Variants in PRKG1 observed in about 807,000 individuals in gnomAD.
PRKG1 encodes the protein protein kinase cGMP-dependent 1.
Under a neutral mutation model 88.1 loss-of-function variants are expected in PRKG1, and 35 were observed. The ratio of observed to expected loss-of-function variants is 0.40; its 90% CI spans 0.30 to 0.53. The LOEUF is 0.53. Among genes scored for constraint, PRKG1 ranks in the 20% least tolerant of loss-of-function variants. The pLI, the probability that PRKG1 is intolerant of heterozygous loss-of-function variation, is 0.59. For missense variants in PRKG1, 540 were observed against 839.8 expected, an observed-to-expected ratio of 0.64 and a Z score of 4.41; for synonymous variants, 303 against 292.5, an observed-to-expected ratio of 1.04 and a Z score of -0.37.
At chr10:51,644,979 G>T (rs1839881762) in intron 3 of PRKG1, among the ~76,000 whole-genome samples, 1 of 152,010 alleles carries the variant, frequency 6.6e-6, no homozygotes, top group African/African-American at 2.4e-5. Flanking sequence ...GTAGAGATGG[G>T]GTTTCATCAT....
intron 14 of PRKG1, among the ~76,000 whole-genome samples, chr10:52,284,303 A>T (rs1842064121): frequency 6.6e-6 from 1 of 152,124 alleles, no homozygotes; most frequent in African/African-American, 2.4e-5. Flanking sequence ...TGTATTTTCA[A>T]AACCAAACTT....
Position 51,743,248 on chromosome 10 carries a change from C to T in PRKG1, c.593-61337C>T, listed in dbSNP as rs986105051. Among the ~76,000 whole-genome samples, 9 of 152,200 alleles carry T rather than the reference C, an allele frequency of 5.9e-5. 1 individual carries two copies. In the South Asian group the frequency reaches 1.4e-3, roughly 25 times the overall value. ...CCAACAAAAGTCAGTCTTTGGCCTC[C>T]CACAGACAGATGTGCACAGAGTCCC... On this transcript the variant is annotated intron_variant, in intron 3 of 17. Coordinates refer to ENST00000373980, the MANE Select transcript of PRKG1 (RefSeq NM_006258.4).
intron 4 of PRKG1, among the ~76,000 whole-genome samples, chr10:51,805,551 A>C (rs1215488790): frequency 1.3e-5 from 2 of 152,042 alleles, no homozygotes; most frequent in African/African-American, 4.8e-5. Context: ...GTGTACTGCT[A>C]ATTAAGGTTT....
chr10:51,433,249 A>G (rs1292677853), intron 2 of PRKG1, among the ~76,000 whole-genome samples: 1 of 152,116 alleles, frequency 6.6e-6, no homozygotes, highest in Non-Finnish European at 1.5e-5. Context: ...AATGGATACT[A>G]TGATTGAGTA....
At chr10:51,665,102 A>G (rs1355055277) in intron 3 of PRKG1, among the ~76,000 whole-genome samples, 1 of 152,168 alleles carries the variant, frequency 6.6e-6, no homozygotes, top group Non-Finnish European at 1.5e-5. Flanking sequence ...TAACTGAAAA[A>G]AAGAATCTCA....
chr10:51,223,550 A>G (rs1412319564), intron 2 of PRKG1, among the ~76,000 whole-genome samples: 1 of 152,186 alleles, frequency 6.6e-6, no homozygotes, highest in African/African-American at 2.4e-5. Flanking sequence ...TCTACTATCC[A>G]TTAAAAAATT....
chr10:51,909,761 A>G (rs1415048338), intron 5 of PRKG1: 3 of 152,234 alleles, frequency 2.0e-5, no homozygotes. Flanking sequence ...GTTAAAATCC[A>G]AGAGAAGAGA....
At chr10:51,722,903 G>A (rs1205178244) in intron 3 of PRKG1, among the ~76,000 whole-genome samples, 1 of 152,064 alleles carries the variant, frequency 6.6e-6, no homozygotes, top group African/African-American at 2.4e-5. Flanking sequence ...AAATAAACAG[G>A]TAGAATTCTT....
At chr10:51,926,750 G>GTTTT (rs11324214) in intron 5 of PRKG1, among the ~76,000 whole-genome samples, 10 of 141,290 alleles carry the variant, frequency 7.1e-5, no homozygotes, top group South Asian at 2.3e-4. Flanking sequence ...GCCTAGCATA[G>GTTTT]TTTTTTTTTT....
At chr10:51,089,823 A>C (rs141748244) in intron 1 of PRKG1, among the ~76,000 whole-genome samples, 2,926 of 152,332 alleles carry the variant, frequency 0.019, 45 homozygotes, top group Middle Eastern at 0.031. Flanking sequence ...AAGGTAATAT[A>C]ACCTAAATCC....
chr10:51,652,964 G>A lies in PRKG1; in HGVS notation c.593-151621G>A, dbSNP rs539962082. On this transcript the variant is annotated intron_variant, in intron 3 of 17. Coordinates refer to ENST00000373980, the MANE Select transcript of PRKG1 (RefSeq NM_006258.4). ...TTCCATATATAAGTGAAATCATGTG[G>A]TATTTGTCTTCTGTGCCTAGCTTAT... Among the ~76,000 whole-genome samples the A allele has an allele frequency of 1.9e-3, 293 of 152,182 alleles. 2 individuals carry two copies. Among genetic ancestry groups the A allele is most frequent in the Non-Finnish European group, 2.9e-4 (20 of 68,012 alleles).
chr10:51,247,187 G>A (rs1839314241), intron 2 of PRKG1, among the ~76,000 whole-genome samples: 1 of 151,952 alleles, frequency 6.6e-6, no homozygotes, highest in East Asian at 1.9e-4. Flanking sequence ...TCTTCCTATA[G>A]GTCAACTTTG....
chr10:51,953,814 T>C (rs1401847690), intron 5 of PRKG1, among the ~76,000 whole-genome samples: 1 of 152,148 alleles, frequency 6.6e-6, no homozygotes, highest in Non-Finnish European at 1.5e-5. Flanking sequence ...AAATTCTGTA[T>C]CCTCTATATT....
intron 5 of PRKG1, among the ~76,000 whole-genome samples, chr10:52,045,863 G>A (rs1403904460): frequency 6.6e-6 from 1 of 151,986 alleles, no homozygotes; most frequent in Admixed American, 6.6e-5. Flanking sequence ...ACTCCTGGGG[G>A]CATGATGGTT....
At chr10:52,098,262 G>A (rs895497394) in intron 7 of PRKG1, among the ~76,000 whole-genome samples, 1 of 152,230 alleles carries the variant, frequency 6.6e-6, no homozygotes, top group African/African-American at 2.4e-5. Context: ...TCCTTGTAAA[G>A]TCAGTTTCTA....
intron 8 of PRKG1, among the ~76,000 whole-genome samples, chr10:52,148,551 A>T (rs901148190): frequency 1.3e-5 from 2 of 152,210 alleles, no homozygotes; most frequent in African/African-American, 4.8e-5. Context: ...AATTTGGGAA[A>T]CCATTTACCT....
At chr10:52,128,260 A>C in intron 7 of PRKG1, 7 of 985,468 alleles carry the variant, frequency 7.1e-6, no homozygotes, top group Non-Finnish European at 8.4e-6. Flanking sequence ...CTCTGTGGAC[A>C]GCAGTCATGT....
chr10:51,534,204 G>T (rs949483553), intron 3 of PRKG1, among the ~76,000 whole-genome samples: 6 of 152,070 alleles, frequency 3.9e-5, no homozygotes, highest in Non-Finnish European at 8.8e-5. Flanking sequence ...AATTGTGCAG[G>T]TGTATTTGTT....
At chr10:52,211,978 T>C (rs756228782) in intron 9 of PRKG1, among the ~76,000 whole-genome samples, 30 of 152,192 alleles carry the variant, frequency 2.0e-4, no homozygotes, top group Non-Finnish European at 2.2e-4. Context: ...TTAATGCAAA[T>C]TAACTTTTTT....
Sources: allele counts gnomAD v4.1 joint callset (sites outside exome capture counted in the v4.1 genomes callset), GRCh38; gene constraint gnomAD v4.1.1; transcripts MANE v1.5; gene names NCBI Gene and HGNC (gene_info 2026-07-23, HGNC 2026-07-21).